PARP4: variants seen among roughly 807,000 people sequenced by gnomAD.
PARP4 encodes the protein poly(ADP-ribose) polymerase family member 4.
Under a neutral mutation model 187.7 loss-of-function variants are expected in PARP4, and 120 were observed. The observed-to-expected ratio is 0.64, with a 90% CI of 0.55 to 0.74. The LOEUF is 0.74. PARP4 is among the 30% of genes least tolerant of loss of function. PARP4 has a pLI of 0.00. For missense variants in PARP4, 1,836 were observed against 2,070.5 expected (o/e 0.89, Z 2.20); for synonymous variants, 654 against 740.9 (o/e 0.88, Z 1.90).
chr13:24,444,087 C>A (rs914852374), intron 27 of PARP4, among the ~76,000 whole-genome samples: 1 of 152,230 alleles, frequency 6.6e-6, no homozygotes, highest in African/African-American at 2.4e-5. Context: ...TGGGAAGAGC[C>A]ACCTTGGCCC....
chr13:24,449,232 C>CA (rs1469997031), intron 25 of PARP4, among the ~76,000 whole-genome samples: 1 of 151,904 alleles, frequency 6.6e-6, no homozygotes, highest in Non-Finnish European at 1.5e-5. Context: ...ACTAAAAATA[C>CA]AAACAATTAG....
rs1262202989 is a variant in PARP4, at chr13:24,458,903, G to A, written c.2424+141C>T. ...CACTGTCTCTGGAAACTGGTCTGGGGAGAATCAGGGGCAGGAGTAGTGCTT... is the reference window on the plus strand; with the variant it reads ...CACTGTCTCTGGAAACTGGTCTGGGAAGAATCAGGGGCAGGAGTAGTGCTT... On this transcript the variant is annotated intron_variant, in intron 20 of 33. Transcript: ENST00000381989. 5.1e-5 allele frequency: 34 copies of A among 664,856 alleles called. 1 individual carries two copies. The highest frequency in any genetic ancestry group is 1.4e-4 in the South Asian group (8 of 55,762). The allele number at this position is 664,856 out of a possible 1,614,324, so 41.2% of individuals were successfully genotyped here.
intron 9 of PARP4, among the ~76,000 whole-genome samples, chr13:24,492,219 T>C (rs967256006): frequency 6.6e-6 from 1 of 152,256 alleles, no homozygotes. Flanking sequence ...CTTATGTCAC[T>C]GTGCCAACAT....
intron 16 of PARP4, 146 bp downstream of exon 16, chr13:24,469,748 G>A (rs1320045695): frequency 3.3e-5 from 28 of 841,078 alleles, no homozygotes; most frequent in Non-Finnish European, 4.8e-5. Flanking sequence ...CACTGCGCAA[G>A]AACTGATTCT....
At chr13:24,497,471 C>A (rs1869019151) in intron 6 of PARP4, among the ~76,000 whole-genome samples, 1 of 152,112 alleles carries the variant, frequency 6.6e-6, no homozygotes, top group South Asian at 2.1e-4. Flanking sequence ...AGGAAAATAT[C>A]CCAAAAGTGA....
intron 24 of PARP4, among the ~76,000 whole-genome samples, chr13:24,450,809 G>A (rs1362335332): frequency 6.6e-6 from 1 of 152,214 alleles, no homozygotes; most frequent in Non-Finnish European, 1.5e-5. Context: ...AACTGGCAGA[G>A]TCTCCTCTTG....
chr13:24,492,365 AC>A, intron 9 of PARP4, 55 bp downstream of exon 9: 1 of 1,152,656 alleles, frequency 8.7e-7, no homozygotes, highest in Non-Finnish European at 1.2e-6. Flanking sequence ...ATTTCTAAAG[AC>A]CCCCACCCTC....
intron 15 of PARP4, among the ~76,000 whole-genome samples, chr13:24,470,924 A>T (rs1872704499): frequency 6.6e-6 from 1 of 152,136 alleles, no homozygotes; most frequent in Admixed American, 6.5e-5. Flanking sequence ...TGGAGACAGA[A>T]TCTCTTGCCA....
chr13:24,475,209 T>C (rs1295756195), intron 15 of PARP4, among the ~76,000 whole-genome samples: 1 of 152,100 alleles, frequency 6.6e-6, no homozygotes, highest in Admixed American at 6.5e-5. Flanking sequence ...ACCTAACATG[T>C]TATGTGTTTC....
At chr13:24,463,370 A>G (rs936366903) in intron 17 of PARP4, among the ~76,000 whole-genome samples, 10 of 152,148 alleles carry the variant, frequency 6.6e-5, no homozygotes, top group Non-Finnish European at 1.5e-4. Context: ...CTTGCGCTAG[A>G]AAAAGAAAAT....
intron 5 of PARP4, among the ~76,000 whole-genome samples, chr13:24,498,586 C>T (rs938469893): frequency 2.6e-5 from 4 of 151,982 alleles, no homozygotes; most frequent in African/African-American, 7.3e-5. Flanking sequence ...AGGCTAGTGT[C>T]GATTTATATC....
chr13:24,492,739 T>C, intron 8 of PARP4, 145 bp from the exon 9 acceptor site: 5 of 686,282 alleles, frequency 7.3e-6, no homozygotes, highest in South Asian at 6.4e-5. Context: ...ATGCTGATCT[T>C]TATTGGAGAC....
chr13:24,441,542 T>C (rs1208682296), intron 30 of PARP4, among the ~76,000 whole-genome samples: 2 of 152,290 alleles, frequency 1.3e-5, no homozygotes, highest in Non-Finnish European at 2.9e-5. Context: ...GATAATTTCA[T>C]GACAAACCTA....
chr13:24,455,271 C>T, intron 21 of PARP4, 59 bp from the exon 22 acceptor site: 1 of 1,336,500 alleles, frequency 7.5e-7, no homozygotes, highest in Non-Finnish European at 1.0e-6. Flanking sequence ...TGCAAAAGGT[C>T]TACTTAGAAA....
At chr13:24,483,347 G>A (rs572873547) in intron 12 of PARP4, among the ~76,000 whole-genome samples, 6 of 140,792 alleles carry the variant, frequency 4.3e-5, no homozygotes, top group Admixed American at 1.4e-4. Flanking sequence ...TTAGCCAGGC[G>A]CGGTGGTGGG....
intron 14 of PARP4, among the ~76,000 whole-genome samples, chr13:24,476,972 G>A (rs532414810): frequency 1.3e-5 from 2 of 152,252 alleles, no homozygotes; most frequent in Admixed American, 1.3e-4. Flanking sequence ...CTGCAAGGTG[G>A]CAGGGCGACA....
intron 17 of PARP4, among the ~76,000 whole-genome samples, chr13:24,465,486 C>G (rs1181143589): frequency 6.6e-6 from 1 of 152,156 alleles, no homozygotes; most frequent in Admixed American, 6.5e-5. Context: ...ATGAATGAAG[C>G]TGGAAGCCAT....
At chr13:24,444,654 T>C (rs1871120305) in intron 27 of PARP4, among the ~76,000 whole-genome samples, 2 of 152,184 alleles carry the variant, frequency 1.3e-5, no homozygotes, top group South Asian at 4.1e-4. Flanking sequence ...TGGTAATAAT[T>C]TGTGATATTG....
chr13:24,508,079 G>A (rs531459689), intron 1 of PARP4, among the ~76,000 whole-genome samples: 2 of 152,232 alleles, frequency 1.3e-5, no homozygotes, highest in East Asian at 3.9e-4. Flanking sequence ...TAGCATCTGT[G>A]CATAGATAGG....
Sources: gnomAD v4.1 joint callset for allele counts (sites outside exome capture counted in the v4.1 genomes callset) on GRCh38, gnomAD v4.1.1 for gene constraint, MANE v1.5 for transcripts, NCBI Gene and HGNC (gene_info 2026-07-23, HGNC 2026-07-21) for gene names.